The following OSBPL6 variants were observed in gnomAD, a reference collection of about 807,000 sequenced individuals.
The protein encoded by OSBPL6 is oxysterol-binding protein-related protein 6.
A neutral mutation model predicts 125.8 loss-of-function variants in OSBPL6; 49 were observed. That is an observed-to-expected ratio of 0.39 (90% CI 0.31 to 0.49). OSBPL6 has a LOEUF of 0.49. Among genes scored for constraint, OSBPL6 ranks in the 20% least tolerant of loss-of-function variants. The probability of loss-of-function intolerance (pLI) is 0.88; values close to 1 mark genes in which losing one functional copy is unlikely to be tolerated. For missense variants in OSBPL6, 986 were observed against 1,135.4 expected (o/e 0.87, Z 1.89); for synonymous variants, 394 against 391.8 (o/e 1.01, Z -0.07).
chr2:178,394,162 G>A (rs1695652244), intron 23 of OSBPL6, 151 bp from the exon 24 acceptor site: 1 of 895,866 alleles, frequency 1.1e-6, no homozygotes, highest in Non-Finnish European at 1.7e-6. Context: ...TCACACCACT[G>A]CACTCCAGCC....
chr2:178,282,864 G>C (rs1449047008), intron 1 of OSBPL6, among the ~76,000 whole-genome samples: 1 of 152,138 alleles, frequency 6.6e-6, no homozygotes. Context: ...TGTTGGCCAA[G>C]CTGGTCTCGA....
intron 1 of OSBPL6, among the ~76,000 whole-genome samples, chr2:178,238,980 A>T (rs1043953257): frequency 6.6e-6 from 1 of 152,212 alleles, no homozygotes; most frequent in African/African-American, 2.4e-5. Context: ...GATGGACTCC[A>T]TCCAGGCTTA....
At chr2:178,268,102 G>A (rs1268616943) in intron 1 of OSBPL6, among the ~76,000 whole-genome samples, 2 of 142,030 alleles carry the variant, frequency 1.4e-5, no homozygotes, top group African/African-American at 5.1e-5. Flanking sequence ...TTTTTTTTGA[G>A]ATGGAGTTTC....
At chr2:178,368,335 G>A (rs1014228054) in intron 13 of OSBPL6, among the ~76,000 whole-genome samples, 2 of 152,118 alleles carry the variant, frequency 1.3e-5, no homozygotes, top group African/African-American at 4.8e-5. Flanking sequence ...TTTCACCACT[G>A]GGGTTGCCAG....
intron 1 of OSBPL6, among the ~76,000 whole-genome samples, chr2:178,215,036 T>G (rs967042409): frequency 2.5e-4 from 37 of 150,274 alleles, no homozygotes; most frequent in Admixed American, 3.3e-4. Flanking sequence ...AGTTGACACA[T>G]AAAATTGACC....
chr2:178,229,981 A>G lies in OSBPL6; in HGVS notation c.-351+35307A>G, dbSNP rs147482568. 4.6e-3 allele frequency among the ~76,000 whole-genome samples: 708 copies of G among 152,344 alleles called. 2 individuals carry two copies. Among genetic ancestry groups the G allele is most frequent in the South Asian group, 0.016 (79 of 4,830 alleles). On this transcript the variant is annotated intron_variant, in intron 1 of 24. Transcript: ENST00000190611. ...AACCACTTAGTCTATCTAGAAATGGACCAGCCCTCAGTCTCTCTGCCTTTT... is the reference window on the plus strand; with the variant it reads ...AACCACTTAGTCTATCTAGAAATGGGCCAGCCCTCAGTCTCTCTGCCTTTT...
chr2:178,208,116 C>A (rs2089635311), intron 1 of OSBPL6, among the ~76,000 whole-genome samples: 1 of 151,960 alleles, frequency 6.6e-6, no homozygotes, highest in Admixed American at 6.6e-5. Flanking sequence ...GAAACCCCAT[C>A]TCTACTAAAA....
At chr2:178,199,525 G>A (rs2089121198) in intron 1 of OSBPL6, among the ~76,000 whole-genome samples, 1 of 151,474 alleles carries the variant, frequency 6.6e-6, no homozygotes, top group Admixed American at 6.6e-5. Flanking sequence ...TCAACCTTTA[G>A]CTGCCTGTGA....
intron 3 of OSBPL6, among the ~76,000 whole-genome samples, chr2:178,311,911 G>C (rs1687307285): frequency 6.6e-6 from 1 of 152,158 alleles, no homozygotes. Context: ...CTTCTGCACA[G>C]GTGTTAAACA....
intron 1 of OSBPL6, among the ~76,000 whole-genome samples, chr2:178,203,488 C>T (rs796433354): frequency 3.9e-5 from 6 of 152,312 alleles, no homozygotes; most frequent in African/African-American, 1.4e-4. Flanking sequence ...CTTAACTTTT[C>T]GAACATACGG....
In OSBPL6 at chr2:178,402,262, G is replaced by A. The variant is rs1696122304; in HGVS notation, c.*6703G>A. 6.6e-6 allele frequency: 1 copy of A among 150,842 alleles called. No individual in the cohort carries two copies. Among genetic ancestry groups the A allele is most frequent in the African/African-American group, 2.5e-5 (1 of 40,258 alleles). The allele number at this position is 150,842 out of a possible 1,614,324, so 9.3% of individuals were successfully genotyped here. A position where few individuals can be genotyped will look rare whatever the true frequency, so the allele number is the denominator to read the frequency against. ...AGGACAGAACTCTGAAACCTAAAAG[G>A]CAAGATTTTTGCTAAACCGGAGAAC... is the stretch of plus-strand genomic sequence containing the variant. On this transcript the variant is annotated 3_prime_UTR_variant, in exon 25 of 25. Coordinates refer to ENST00000190611, the MANE Select transcript of OSBPL6 (RefSeq NM_032523.4).
At chr2:178,226,203 T>C (rs2090554863) in intron 1 of OSBPL6, among the ~76,000 whole-genome samples, 1 of 152,228 alleles carries the variant, frequency 6.6e-6, no homozygotes, top group Admixed American at 6.5e-5. Flanking sequence ...ACTTCGTTTC[T>C]TCTGGCTCTC....
At chr2:178,353,898 G>A (rs1057030056) in intron 12 of OSBPL6, among the ~76,000 whole-genome samples, 1 of 152,212 alleles carries the variant, frequency 6.6e-6, no homozygotes, top group Non-Finnish European at 1.5e-5. Context: ...GGATCTCTCA[G>A]CAGAAAGCCT....
rs1422076827 is a variant in OSBPL6 at position 178,349,306 on chromosome 2, C to T, written c.1070C>T (p.Pro357Leu). 6.2e-7 allele frequency: 1 copy of T among 1,614,066 alleles called. No homozygotes were observed. Among genetic ancestry groups the T allele is most frequent in the Non-Finnish European group, 8.5e-7 (1 of 1,179,958 alleles). Residue 357 changes from proline to leucine, a missense_variant, in exon 12 of 25, where the codon CCC becomes CTC. This residue lies in a region of OSBPL6 where 843 missense variants were observed against 997.3 expected (regional missense o/e 0.85). Coordinates refer to ENST00000190611, the MANE Select transcript of OSBPL6 (RefSeq NM_032523.4). ...TGTGCAGATATTGAATTTCAGACTC[C>T]CCCTAGCCACCTCACTGACCCTCTG... The part of the protein sequence containing the change: ...NLCADIEFQT[P>L]PSHLTDPLES...
intron 1 of OSBPL6, among the ~76,000 whole-genome samples, chr2:178,233,146 A>C (rs1352908629): frequency 1.3e-5 from 2 of 152,200 alleles, no homozygotes; most frequent in Non-Finnish European, 2.9e-5. Flanking sequence ...CAGCTGATTC[A>C]AGAAACCTGT....
Position 178,391,064 on chromosome 2 carries a change from T to A in OSBPL6, c.2302-9T>A, listed in dbSNP as rs1695363703. ...ATCAAATGTCACAATTGGGGTTTGG[T>A]TTTTCCAGGTGAATTATTGGAATTC... On this transcript the variant is annotated splice_polypyrimidine_tract_variant and intron_variant, in intron 21 of 24. Coordinates refer to ENST00000190611, the MANE Select transcript of OSBPL6 (RefSeq NM_032523.4). 1 of 1,612,642 alleles carries A rather than the reference T, an allele frequency of 6.2e-7. No individual in the cohort carries two copies. Among genetic ancestry groups the A allele is most frequent in the African/African-American group, 1.3e-5 (1 of 74,982 alleles).
At chr2:178,336,488 A>C (rs1323869130) in intron 9 of OSBPL6, 55 bp downstream of exon 9, 2 of 1,594,786 alleles carry the variant, frequency 1.3e-6, no homozygotes, top group East Asian at 4.5e-5. Context: ...CAAGAAACAA[A>C]ACCCGAAGAG....
At chr2:178,251,618 C>CT (rs1222114887) in intron 1 of OSBPL6, among the ~76,000 whole-genome samples, 4 of 152,134 alleles carry the variant, frequency 2.6e-5, no homozygotes, top group Admixed American at 2.6e-4. Flanking sequence ...TGTTAGGGAT[C>CT]TTTTAAGGCT....
rs186966780 is a variant in OSBPL6, at chr2:178,252,367, C to T, written c.-350-32560C>T. On this transcript the variant is annotated intron_variant, in intron 1 of 24. Transcript: ENST00000190611. ...TTCTGCCATTATAGTTCAAAAGCAG[C>T]GGTAGACAAAATGTAAATAAGTGGG... Among the ~76,000 whole-genome samples, 26 of 152,094 alleles carry T rather than the reference C, an allele frequency of 1.7e-4. 1 individual carries two copies. The highest frequency in any genetic ancestry group is 1.5e-3 in the Admixed American group (23 of 15,284).
Sources: gnomAD v4.1 joint callset for allele counts (sites outside exome capture counted in the v4.1 genomes callset) on GRCh38, gnomAD v4.1.1 for gene constraint, gnomAD v4.1.1 regional missense constraint, MANE v1.5 for transcripts, NCBI Gene and HGNC (gene_info 2026-07-23, HGNC 2026-07-21) for gene names.